Variants in TACR3 observed in about 807,000 individuals in gnomAD.
The protein encoded by TACR3 is neuromedin-K receptor.
A neutral mutation model predicts 35.0 loss-of-function variants in TACR3; 34 were observed. The ratio of observed to expected loss-of-function variants is 0.97; its 90% CI spans 0.74 to 1.30. The LOEUF (loss-of-function observed/expected upper bound fraction) is 1.30. TACR3 is among the 50% of genes most tolerant of loss of function. The pLI is 0.00. For missense variants in TACR3, 558 were observed against 591.7 expected (o/e 0.94, Z 0.59); for synonymous variants, 233 against 221.1 (o/e 1.05, Z -0.48).
At chr4:103,599,191 T>C (rs997687066) in intron 3 of TACR3, among the ~76,000 whole-genome samples, 1 of 152,232 alleles carries the variant, frequency 6.6e-6, no homozygotes, top group Non-Finnish European at 1.5e-5. Context: ...GTTGGATTCC[T>C]AGGTATTTTA....
chr4:103,660,486 A>G (rs576492353), intron 1 of TACR3, among the ~76,000 whole-genome samples: 1 of 152,000 alleles, frequency 6.6e-6, no homozygotes, highest in African/African-American at 2.4e-5. Context: ...ATTATCATGA[A>G]CTTTATCATG....
At chr4:103,696,313 A>T (rs1722519354) in intron 1 of TACR3, among the ~76,000 whole-genome samples, 1 of 152,206 alleles carries the variant, frequency 6.6e-6, no homozygotes, top group African/African-American at 2.4e-5. Flanking sequence ...TTGATAAAAG[A>T]TCAGAAACTC....
chr4:103,608,705 C>G (rs913402736), intron 3 of TACR3, among the ~76,000 whole-genome samples: 5 of 152,026 alleles, frequency 3.3e-5, no homozygotes, highest in African/African-American at 1.2e-4. Context: ...CAAGTACAAC[C>G]GAAGGCTTAT....
At chr4:103,646,471 A>C (rs1316748796) in intron 3 of TACR3, among the ~76,000 whole-genome samples, 1 of 151,930 alleles carries the variant, frequency 6.6e-6, no homozygotes, top group Non-Finnish European at 1.5e-5. Context: ...TAATCATTTA[A>C]ATATTATGTT....
At chr4:103,668,848 C>CA (rs565931739) in intron 1 of TACR3, among the ~76,000 whole-genome samples, 30,706 of 107,616 alleles carry the variant, frequency 0.29, 3,612 homozygotes, top group East Asian at 0.48. Context: ...GACTCTGTCT[C>CA]AAAAAAAAAA....
intron 1 of TACR3, among the ~76,000 whole-genome samples, chr4:103,695,376 C>A (rs1722499800): frequency 6.6e-6 from 1 of 152,112 alleles, no homozygotes; most frequent in Admixed American, 6.6e-5. Flanking sequence ...CTTTCTTCCT[C>A]CTCCTTCTCA....
chr4:103,623,065 A>G (rs1724818794), intron 3 of TACR3, among the ~76,000 whole-genome samples: 1 of 152,162 alleles, frequency 6.6e-6, no homozygotes, highest in Admixed American at 6.5e-5. Context: ...AATAATGTAC[A>G]AATTTAAATA....
chr4:103,680,856 T>G (rs1331682650), intron 1 of TACR3, among the ~76,000 whole-genome samples: 1 of 151,920 alleles, frequency 6.6e-6, no homozygotes, highest in Non-Finnish European at 1.5e-5. Flanking sequence ...AAATTGAACA[T>G]TATTTTGATA....
At chr4:103,615,468 A>G (rs1277853767) in intron 3 of TACR3, among the ~76,000 whole-genome samples, 1 of 151,340 alleles carries the variant, frequency 6.6e-6, no homozygotes, top group Non-Finnish European at 1.5e-5. Context: ...CATCAGATTC[A>G]TGTTTCTCAT....
chr4:103,711,646 C>A (rs911162421), intron 1 of TACR3, among the ~76,000 whole-genome samples: 1 of 151,994 alleles, frequency 6.6e-6, no homozygotes, highest in African/African-American at 2.4e-5. Context: ...CTGGCCAGGG[C>A]AATCAGGCAG....
chr4:103,683,425 T>G (rs998081289), intron 1 of TACR3, among the ~76,000 whole-genome samples: 1 of 114,630 alleles, frequency 8.7e-6, no homozygotes, highest in African/African-American at 3.8e-5. Context: ...AAAAATAACC[T>G]TTTGGAAAGC....
At chr4:103,670,856 T>A (rs1052684155) in intron 1 of TACR3, among the ~76,000 whole-genome samples, 2 of 152,080 alleles carry the variant, frequency 1.3e-5, no homozygotes, top group Admixed American at 6.6e-5. Flanking sequence ...CTATGTTGAA[T>A]AAAAATGGTG....
chr4:103,608,223 T>C (rs1724430386), intron 3 of TACR3, among the ~76,000 whole-genome samples: 1 of 152,024 alleles, frequency 6.6e-6, no homozygotes, highest in South Asian at 2.1e-4. Flanking sequence ...GGAAACTACA[T>C]AGCCATAAAA....
chr4:103,650,422 C>T (rs529946640), intron 3 of TACR3, among the ~76,000 whole-genome samples: 69 of 124,070 alleles, frequency 5.6e-4, no homozygotes, highest in African/African-American at 2.5e-3. Flanking sequence ...AACAAACCTG[C>T]ACATTGTGCA....
intron 1 of TACR3, among the ~76,000 whole-genome samples, chr4:103,671,269 C>T (rs1397697581): frequency 6.6e-6 from 1 of 151,678 alleles, no homozygotes; most frequent in African/African-American, 2.4e-5. Context: ...AGTGTCTCTG[C>T]CTGGTTTTGG....
chr4:103,704,053 G>A (rs1337454588), intron 1 of TACR3, among the ~76,000 whole-genome samples: 2 of 135,582 alleles, frequency 1.5e-5, no homozygotes, highest in South Asian at 2.5e-4. Flanking sequence ...GCAGTGAGCC[G>A]AGATTGCGCC....
At chr4:103,612,877 C>A (rs942755725) in intron 3 of TACR3, among the ~76,000 whole-genome samples, 6 of 152,028 alleles carry the variant, frequency 3.9e-5, no homozygotes, top group East Asian at 1.9e-4. Flanking sequence ...CACATGATAA[C>A]CCTCTTTTAA....
intron 1 of TACR3, among the ~76,000 whole-genome samples, chr4:103,704,078 T>C (rs1481092952): frequency 2.6e-5 from 3 of 114,650 alleles, no homozygotes. Context: ...CATTCCAGTC[T>C]GGGCAACAGA....
Position 103,656,648 on chromosome 4 carries a change from A to G in TACR3, c.738-304T>C, listed in dbSNP as rs191312300. Among the ~76,000 whole-genome samples the G allele has an allele frequency of 5.2e-3, 788 of 152,180 alleles. 27 individuals are homozygous for G. Among genetic ancestry groups the G allele is most frequent in the Admixed American group, 0.047 (718 of 15,246 alleles). Reference sequence around the variant, plus strand: ...TGAGGAGGAACGACTTTCCACTGCTATGTACTCTGCTTGGTAATTGTTGAG... The same window carrying G: ...TGAGGAGGAACGACTTTCCACTGCTGTGTACTCTGCTTGGTAATTGTTGAG... On this transcript the variant is annotated intron_variant, in intron 2 of 4. Coordinates refer to ENST00000304883, the MANE Select transcript of TACR3 (RefSeq NM_001059.3).
Sources: allele counts gnomAD v4.1 joint callset (sites outside exome capture counted in the v4.1 genomes callset), GRCh38; gene constraint gnomAD v4.1.1; transcripts MANE v1.5; gene names NCBI Gene and HGNC (gene_info 2026-07-23, HGNC 2026-07-21).